The following OTOP1 variants were observed in gnomAD, a reference collection of about 807,000 sequenced individuals.
OTOP1 encodes the protein proton channel OTOP1.
A neutral mutation model predicts 52.9 loss-of-function variants in OTOP1; 59 were observed. That is an observed-to-expected ratio of 1.12 (90% CI 0.91 to 1.39). The LOEUF is 1.39. Ranked by LOEUF, OTOP1 falls within the 40% of genes most tolerant of loss-of-function variation. OTOP1 has a pLI of 0.00. For synonymous variants in OTOP1, 317 were observed against 337.7 expected, an observed-to-expected ratio of 0.94 and a Z score of 0.67; for missense variants, 761 against 800.9, an observed-to-expected ratio of 0.95 and a Z score of 0.60.
chr4:4,214,475 C>T (rs1039706758), intron 1 of OTOP1, among the ~76,000 whole-genome samples: 4 of 152,038 alleles, frequency 2.6e-5, no homozygotes, highest in Non-Finnish European at 4.4e-5. Context: ...GAATTGAAAG[C>T]AGGGACCCTA....
intron 2 of OTOP1, among the ~76,000 whole-genome samples, chr4:4,210,088 CTG>C (rs1716991263): frequency 6.6e-6 from 1 of 152,224 alleles, no homozygotes; most frequent in Non-Finnish European, 1.5e-5. Flanking sequence ...GTTTTGGGGA[CTG>C]TCTCTCACCT....
chr4:4,190,772 G>A (rs184057337), intron 5 of OTOP1, among the ~76,000 whole-genome samples: 83 of 152,226 alleles, frequency 5.5e-4, no homozygotes, highest in African/African-American at 2.0e-3. Flanking sequence ...TTGCTTACTG[G>A]CTGCTGTGAC....
chr4:4,211,004 A>G (rs1717014666), intron 2 of OTOP1, among the ~76,000 whole-genome samples: 1 of 152,282 alleles, frequency 6.6e-6, no homozygotes, highest in South Asian at 2.1e-4. Context: ...AGTCCATAAC[A>G]GCTTTCAAGT....
chr4:4,202,500 G>C lies in OTOP1; in HGVS notation c.678C>G (p.Leu226=). The part of the protein sequence containing the change: ...NGVLNESKHQ[L]NEHKERLITL... ...TGATGAGCCGTTCCTTGTGCTCATT[G>C]AGTTGGTGCTTTGACTCATTGAGGA... Residue 226 remains leucine, a synonymous_variant, in exon 4 of 6, where the codon CTC becomes CTG. Coordinates refer to ENST00000296358, the MANE Select transcript of OTOP1 (RefSeq NM_177998.3). The C allele has an allele frequency of 6.2e-7, 1 of 1,614,074 alleles. No individual in the cohort carries two copies. Among genetic ancestry groups the C allele is most frequent in the South Asian group, 1.1e-5 (1 of 91,082 alleles).
intron 4 of OTOP1, among the ~76,000 whole-genome samples, chr4:4,199,793 T>C (rs548284290): frequency 6.6e-6 from 1 of 152,344 alleles, no homozygotes; most frequent in South Asian, 2.1e-4. Flanking sequence ...TATCTATTTT[T>C]TAATGCAAGT....
intron 2 of OTOP1, among the ~76,000 whole-genome samples, chr4:4,208,515 A>C (rs1716956963): frequency 6.6e-6 from 1 of 152,230 alleles, no homozygotes; most frequent in Non-Finnish European, 1.5e-5. Context: ...GTGAGAAATA[A>C]GCCAGACACA....
At chr4:4,200,346 G>A in intron 4 of OTOP1, among the ~76,000 whole-genome samples, 1 of 151,854 alleles carries the variant, frequency 6.6e-6, no homozygotes, top group East Asian at 1.9e-4. Context: ...GTGGTGGCAG[G>A]TGCCTGTAGT....
chr4:4,209,887 A>G (rs1030268208), intron 2 of OTOP1, among the ~76,000 whole-genome samples: 1 of 152,074 alleles, frequency 6.6e-6, no homozygotes, highest in African/African-American at 2.4e-5. Flanking sequence ...GAAAGACTGC[A>G]CATCCCAAAG....
At chr4:4,197,120 GT>G in intron 5 of OTOP1, 45 bp downstream of exon 5, 1 of 1,533,116 alleles carries the variant, frequency 6.5e-7, no homozygotes, top group South Asian at 1.3e-5. Context: ...GAAAATGAAA[GT>G]TTAAAGTAAA....
At chr4:4,223,933 G>A (rs1717361291) in intron 1 of OTOP1, among the ~76,000 whole-genome samples, 1 of 151,232 alleles carries the variant, frequency 6.6e-6, no homozygotes, top group Non-Finnish European at 1.5e-5. Context: ...GAGAGGAAGA[G>A]AGGAAGGAAG....
chr4:4,192,424 G>A (rs1379846192), intron 5 of OTOP1, among the ~76,000 whole-genome samples: 1 of 152,208 alleles, frequency 6.6e-6, no homozygotes, highest in African/African-American at 2.4e-5. Flanking sequence ...AAAGCCATGA[G>A]TCACAATAAA....
intron 2 of OTOP1, among the ~76,000 whole-genome samples, chr4:4,208,635 G>C (rs980934598): frequency 6.6e-6 from 1 of 152,160 alleles, no homozygotes; most frequent in Non-Finnish European, 1.5e-5. Flanking sequence ...GGAGGAAATA[G>C]AGAGTTGTTT....
chr4:4,212,967 C>A lies in OTOP1; in HGVS notation c.441G>T (p.Leu147=). ...ITLFAVITVI[L]GCLKIGYFIG... is the part of the protein sequence containing the mutation. The stretch of plus-strand genomic sequence containing the variant: ...TGAAGTATCCAATTTTAAGGCATCC[C>A]AGGATGACGGTAATGACTGCAAACA... The change falls in exon 2 of 6, where the codon CTG becomes CTT. Residue 147 remains leucine, a synonymous_variant. Transcript: ENST00000296358. 1.2e-6 allele frequency: 2 copies of A among 1,613,978 alleles called. No homozygotes were observed. The highest frequency in any genetic ancestry group is 1.7e-6 in the Non-Finnish European group (2 of 1,179,904).
At chr4:4,212,020 C>A (rs1241680797) in intron 2 of OTOP1, among the ~76,000 whole-genome samples, 1 of 152,088 alleles carries the variant, frequency 6.6e-6, no homozygotes, top group African/African-American at 2.4e-5. Flanking sequence ...AGATGACAGA[C>A]ATAAATATGC....
At chr4:4,221,324 G>A (rs1251737923) in intron 1 of OTOP1, among the ~76,000 whole-genome samples, 1 of 152,156 alleles carries the variant, frequency 6.6e-6, no homozygotes, top group Non-Finnish European at 1.5e-5. Context: ...TCGGGTGGCT[G>A]AGGTGGGAGG....
In OTOP1 at chr4:4,219,783, A is replaced by G. The variant is rs558771425; in HGVS notation, c.403+6679T>C. ...AACAGTTTTTGCTTTATATATATGC[A>G]CATATATATGTATAAATATATATAC... On this transcript the variant is annotated intron_variant, in intron 1 of 5. Coordinates refer to ENST00000296358, the MANE Select transcript of OTOP1 (RefSeq NM_177998.3). Among the ~76,000 whole-genome samples, 149 of 148,410 alleles carry G rather than the reference A, an allele frequency of 1.0e-3. 1 individual carries two copies. The highest frequency in any genetic ancestry group is 3.7e-3 in the African/African-American group (146 of 39,814).
intron 2 of OTOP1, among the ~76,000 whole-genome samples, chr4:4,206,490 A>G (rs986750979): frequency 4.6e-5 from 7 of 152,228 alleles, no homozygotes; most frequent in Non-Finnish European, 7.3e-5. Flanking sequence ...GTTAGTTTTC[A>G]TCTAAGAAAT....
chr4:4,206,043 C>T, intron 3 of OTOP1, 29 bp downstream of exon 3: 2 of 1,557,970 alleles, frequency 1.3e-6, no homozygotes, highest in Admixed American at 3.4e-5. Context: ...CCAAATTCAA[C>T]ATATAAAGCA....
rs771611313 is a variant in OTOP1, at chr4:4,206,074, T to C, written c.597A>G (p.Glu199=). 4.4e-6 allele frequency: 7 copies of C among 1,603,100 alleles called. No homozygotes were observed. Among genetic ancestry groups the C allele is most frequent in the African/African-American group, 4.0e-5 (3 of 74,688 alleles). Residue 199 remains glutamate, a splice_region_variant and synonymous_variant, in exon 3 of 6, where the codon GAA becomes GAG. Coordinates refer to ENST00000296358, the MANE Select transcript of OTOP1 (RefSeq NM_177998.3). The part of the protein sequence containing the change: ...KDIIQSFKTL[E]RFGVIHSVFT... The stretch of plus-strand genomic sequence containing the variant: ...AAGCAATTACCCACAATTTTTACCT[T>C]TCCAGTGTTTTGAAAGACTGGATAA...
Sources: allele counts gnomAD v4.1 joint callset (sites outside exome capture counted in the v4.1 genomes callset), GRCh38; gene constraint gnomAD v4.1.1; transcripts MANE v1.5; gene names NCBI Gene and HGNC (gene_info 2026-07-23, HGNC 2026-07-21).